The following PRKCE variants were observed in gnomAD, a reference collection of about 807,000 sequenced individuals.
PRKCE encodes the protein protein kinase C epsilon, also known as protein kinase C epsilon type.
In PRKCE, 16 loss-of-function variants were observed where a neutral mutation model predicts 85.4. That is an observed-to-expected ratio of 0.19 (90% CI 0.13 to 0.28). The LOEUF (loss-of-function observed/expected upper bound fraction) is 0.28, where lower values mean the gene tolerates loss of function less well. PRKCE is among the 10% of genes least tolerant of loss of function. The probability of loss-of-function intolerance (pLI) is 1.00; values close to 1 mark genes in which losing one functional copy is unlikely to be tolerated. For synonymous variants in PRKCE, 388 were observed against 371.5 expected, an observed-to-expected ratio of 1.04 and a Z score of -0.51; for missense variants, 573 against 975.2, an observed-to-expected ratio of 0.59 and a Z score of 5.49.
chr2:46,143,850 G>A (rs1471789187), intron 11 of PRKCE, among the ~76,000 whole-genome samples: 1 of 152,198 alleles, frequency 6.6e-6, no homozygotes, highest in African/African-American at 2.4e-5. Context: ...CGGGGTCGTG[G>A]CTACAATGCA....
intron 1 of PRKCE, among the ~76,000 whole-genome samples, chr2:45,683,040 A>T (rs1164999068): frequency 6.6e-6 from 1 of 152,200 alleles, no homozygotes; most frequent in Non-Finnish European, 1.5e-5. Context: ...ATGGGGGAAT[A>T]GTTTGTAATG....
chr2:46,026,825 A>G (rs1200687403), intron 10 of PRKCE, among the ~76,000 whole-genome samples: 1 of 152,200 alleles, frequency 6.6e-6, no homozygotes, highest in African/African-American at 2.4e-5. Context: ...TTCCATTTCT[A>G]TAAAACCCCC....
At chr2:45,794,316 C>A (rs144157435) in intron 1 of PRKCE, among the ~76,000 whole-genome samples, 26 of 152,196 alleles carry the variant, frequency 1.7e-4, no homozygotes, top group African/African-American at 6.0e-4. Flanking sequence ...AATGGAGTGG[C>A]GCACTCTGGG....
At chr2:46,069,364 A>G (rs1667882456) in intron 10 of PRKCE, among the ~76,000 whole-genome samples, 1 of 152,146 alleles carries the variant, frequency 6.6e-6, no homozygotes, top group South Asian at 2.1e-4. Context: ...GGATTCTGAT[A>G]TGGTATGCGT....
In PRKCE at chr2:45,907,428, G is replaced by T. The variant is rs1697061084; in HGVS notation, c.412+64365G>T. Among the ~76,000 whole-genome samples, 1 of 152,180 alleles carries T rather than the reference G, an allele frequency of 6.6e-6. No homozygotes were observed. The highest frequency in any genetic ancestry group is 2.4e-5 in the African/African-American group (1 of 41,432). On this transcript the variant is annotated intron_variant, in intron 2 of 14. Coordinates refer to ENST00000306156, the MANE Select transcript of PRKCE (RefSeq NM_005400.3). The surrounding 1 kb of genome is among the most constrained non-coding windows in gnomAD (Gnocchi z 4.5). ...CATTGCATTTGCTGAATAGCTGTTG[G>T]GGTAACACTCCTGTGAACAAAACCA...
At chr2:45,765,933 T>G (rs940397526) in intron 1 of PRKCE, among the ~76,000 whole-genome samples, 1 of 152,192 alleles carries the variant, frequency 6.6e-6, no homozygotes, top group Non-Finnish European at 1.5e-5. Flanking sequence ...ATTGGGTAAC[T>G]GTGGGTAGCA....
chr2:45,884,954 CATATATATATATATATAT>C lies in PRKCE; in HGVS notation c.412+41922_412+41939del, dbSNP rs745477412. 1.1e-3 allele frequency among the ~76,000 whole-genome samples: 41 copies of C among 37,568 alleles called. 2 individuals are homozygous for C. Among genetic ancestry groups the C allele is most frequent in the African/African-American group, 2.9e-3 (22 of 7,602 alleles). The allele number at this position is 37,568 out of a possible 152,430, so 24.6% of individuals were successfully genotyped here. The stretch of plus-strand genomic sequence containing the variant: ...TGCGTGTGATCTGTTATATGTGATC[CATATATATATATATATAT>C]ATATATATATATATATATATATATA... On this transcript the variant is annotated intron_variant, in intron 2 of 14. Transcript: ENST00000306156.
intron 1 of PRKCE, among the ~76,000 whole-genome samples, chr2:45,829,029 T>TAA (rs1289297557): frequency 6.6e-6 from 1 of 152,062 alleles, no homozygotes; most frequent in Non-Finnish European, 1.5e-5. Flanking sequence ...TCAACAAGTT[T>TAA]TTTTTTTCAT....
intron 11 of PRKCE, among the ~76,000 whole-genome samples, chr2:46,092,663 G>C (rs1328481073): frequency 6.6e-6 from 1 of 152,190 alleles, no homozygotes; most frequent in East Asian, 1.9e-4. Flanking sequence ...CCAAAGGAGA[G>C]GCTTAGGAGG....
At chr2:45,816,377 C>T (rs1340890401) in intron 1 of PRKCE, among the ~76,000 whole-genome samples, 3 of 152,004 alleles carry the variant, frequency 2.0e-5, no homozygotes, top group Non-Finnish European at 1.5e-5. Flanking sequence ...CCTGGTGCTC[C>T]GGAGCTGGGA....
chr2:45,965,252 CATAA>C, intron 2 of PRKCE, among the ~76,000 whole-genome samples: 1 of 152,216 alleles, frequency 6.6e-6, no homozygotes, highest in East Asian at 1.9e-4. Flanking sequence ...TTTGACATCA[CATAA>C]ATATTTACAC....
At chr2:45,986,561 A>T (rs536043850) in intron 6 of PRKCE, among the ~76,000 whole-genome samples, 1 of 152,332 alleles carries the variant, frequency 6.6e-6, no homozygotes, top group East Asian at 1.9e-4. Flanking sequence ...GGACAAAGTC[A>T]TCATTTAAGT....
At chr2:45,976,775 A>G (rs1321937946) in intron 3 of PRKCE, among the ~76,000 whole-genome samples, 187 bp downstream of exon 3, 1 of 152,146 alleles carries the variant, frequency 6.6e-6, no homozygotes, top group Non-Finnish European at 1.5e-5. Context: ...ATACATGGAA[A>G]GAAGCGATGG....
At chr2:45,751,749 A>G (rs368051071) in intron 1 of PRKCE, among the ~76,000 whole-genome samples, 1 of 151,850 alleles carries the variant, frequency 6.6e-6, no homozygotes, top group African/African-American at 2.4e-5. Context: ...AATAAAATGA[A>G]AATTTCCCAT....
intron 14 of PRKCE, among the ~76,000 whole-genome samples, chr2:46,179,248 G>A (rs778189683): frequency 3.9e-5 from 6 of 152,176 alleles, no homozygotes; most frequent in Non-Finnish European, 8.8e-5. Flanking sequence ...GACACTGCTG[G>A]CTCCTCCGAA....
chr2:45,875,248 A>T (rs1016578443), intron 2 of PRKCE, among the ~76,000 whole-genome samples: 4 of 152,232 alleles, frequency 2.6e-5, no homozygotes, highest in African/African-American at 9.6e-5. Flanking sequence ...AGACCATTAT[A>T]CACTTGAACC....
intron 14 of PRKCE, among the ~76,000 whole-genome samples, chr2:46,161,204 G>T (rs1677726639): frequency 6.6e-6 from 1 of 152,250 alleles, no homozygotes; most frequent in Non-Finnish European, 1.5e-5. Context: ...ATTGCTGGGG[G>T]CTGAGGGCCT....
In PRKCE at chr2:46,021,082, G is replaced by T. The variant is rs185868293; in HGVS notation, c.1437+10565G>T. Among the ~76,000 whole-genome samples, 37 of 152,246 alleles carry T rather than the reference G, an allele frequency of 2.4e-4. No individual in the cohort carries two copies. In the East Asian group the frequency reaches 6.0e-3, roughly 25 times the overall value. ...GTGAGAAGGGCCACTGTGGAACAGG[G>T]TGGATGCTGGGGCATTGGGGGGCAG... is the stretch of plus-strand genomic sequence containing the variant. On this transcript the variant is annotated intron_variant, in intron 10 of 14. Transcript: ENST00000306156.
intron 2 of PRKCE, among the ~76,000 whole-genome samples, chr2:45,918,975 T>G (rs1265728985): frequency 1.3e-5 from 2 of 152,214 alleles, no homozygotes; most frequent in Admixed American, 6.5e-5. Flanking sequence ...TGGCATGATA[T>G]GGCAGTGGCC....
Sources: allele counts gnomAD v4.1 joint callset (sites outside exome capture counted in the v4.1 genomes callset), GRCh38; gene constraint gnomAD v4.1.1; non-coding constraint Gnocchi (gnomAD v3.1); transcripts MANE v1.5; gene names NCBI Gene and HGNC (gene_info 2026-07-23, HGNC 2026-07-21).